MYO3B: variants seen among roughly 807,000 people sequenced by gnomAD.
MYO3B encodes myosin-IIIb.
Under a neutral mutation model 174.6 loss-of-function variants are expected in MYO3B, and 156 were observed. The ratio of observed to expected loss-of-function variants is 0.89; its 90% CI spans 0.78 to 1.02. MYO3B has a LOEUF of 1.02. MYO3B is among the 50% of genes least tolerant of loss of function. MYO3B has a pLI of 0.00. For missense variants in MYO3B, 1,632 were observed against 1,639.4 expected (o/e 1.00, Z 0.08); for synonymous variants, 563 against 569.1 (o/e 0.99, Z 0.15).
At chr2:170,221,903 T>C (rs2092905217) in intron 6 of MYO3B, among the ~76,000 whole-genome samples, 1 of 152,150 alleles carries the variant, frequency 6.6e-6, no homozygotes, top group South Asian at 2.1e-4. Flanking sequence ...CTAAACACAC[T>C]GTATGTGAGT....
At chr2:170,511,946 A>G (rs1276435538) in intron 28 of MYO3B, among the ~76,000 whole-genome samples, 1 of 152,188 alleles carries the variant, frequency 6.6e-6, no homozygotes, top group Non-Finnish European at 1.5e-5. Flanking sequence ...TAATGGATTG[A>G]CGGTCCCTAG....
At chr2:170,420,553 C>G (rs2094608088) in intron 22 of MYO3B, among the ~76,000 whole-genome samples, 1 of 152,124 alleles carries the variant, frequency 6.6e-6, no homozygotes. Flanking sequence ...ATTCTTGTCT[C>G]AGGGAAAGGG....
At chr2:170,230,497 A>G (rs1327801593) in intron 6 of MYO3B, among the ~76,000 whole-genome samples, 1 of 151,700 alleles carries the variant, frequency 6.6e-6, no homozygotes, top group Non-Finnish European at 1.5e-5. Context: ...CTAGTTATAT[A>G]ATCAAGATAC....
At chr2:170,299,320 G>A (rs1456236198) in intron 7 of MYO3B, among the ~76,000 whole-genome samples, 1 of 152,170 alleles carries the variant, frequency 6.6e-6, no homozygotes, top group Admixed American at 6.5e-5. Context: ...AATTCAGTGA[G>A]GCAGACTTAC....
chr2:170,210,035 A>G (rs2092754725), intron 3 of MYO3B, among the ~76,000 whole-genome samples: 1 of 152,208 alleles, frequency 6.6e-6, no homozygotes, highest in Non-Finnish European at 1.5e-5. Flanking sequence ...TAGTGGTTTA[A>G]AACACTGAAA....
In MYO3B at chr2:170,369,316, C is replaced by CA; in HGVS notation, c.915dup (p.Gln306ThrfsTer17). The CA allele has an allele frequency of 6.2e-7, 1 of 1,613,666 alleles. No homozygotes were observed. The highest frequency in any genetic ancestry group is 2.2e-5 in the East Asian group (1 of 44,864). Reference sequence around the variant, plus strand: ...AGTACATGGAAAAGTTCTGTTTCTGCAAAAACAGCTGGCCAAGGTTCTCCA... The same window carrying CA: ...AGTACATGGAAAAGTTCTGTTTCTGCAAAAAACAGCTGGCCAAGGTTCTCCA... On this transcript the variant is annotated frameshift_variant, in exon 9 of 35. Transcript: ENST00000408978. LOFTEE classifies it high-confidence loss of function.
chr2:170,548,961 T>C (rs1014082658), intron 32 of MYO3B, among the ~76,000 whole-genome samples: 4 of 152,222 alleles, frequency 2.6e-5, no homozygotes, highest in African/African-American at 9.6e-5. Flanking sequence ...TCTTCCTTTT[T>C]CATCTTTGCT....
intron 32 of MYO3B, among the ~76,000 whole-genome samples, chr2:170,551,499 C>T (rs940619141): frequency 3.0e-4 from 34 of 112,226 alleles, no homozygotes; most frequent in Non-Finnish European, 4.6e-4. Flanking sequence ...ATTTCTAATA[C>T]ATATGTCATT....
chr2:170,303,136 T>G (rs1230332277), intron 7 of MYO3B, among the ~76,000 whole-genome samples: 1 of 152,194 alleles, frequency 6.6e-6, no homozygotes, highest in Non-Finnish European at 1.5e-5. Flanking sequence ...TTACTACTGT[T>G]GTAAATGTTC....
At chr2:170,495,379 C>T (rs1455322299) in intron 25 of MYO3B, among the ~76,000 whole-genome samples, 1 of 152,142 alleles carries the variant, frequency 6.6e-6, no homozygotes, top group Non-Finnish European at 1.5e-5. Context: ...ATAGATATGT[C>T]ACTTACATGT....
At chr2:170,636,867 AAT>A (rs36191489) in intron 32 of MYO3B, among the ~76,000 whole-genome samples, 19,258 of 151,970 alleles carry the variant, frequency 0.13, 1,382 homozygotes, top group East Asian at 0.3. Context: ...AGCCTCCTGG[AAT>A]ATGTTCATTT....
Position 170,464,678 on chromosome 2 carries a change from T to C in MYO3B, c.2808+1233T>C, listed in dbSNP as rs1017706007. Among the ~76,000 whole-genome samples, 5 of 152,288 alleles carry C rather than the reference T, an allele frequency of 3.3e-5. No homozygotes were observed. In the Middle Eastern group the frequency reaches 0.01, roughly 311 times the overall value. The stretch of plus-strand genomic sequence containing the variant: ...TCGAATCCAGTATTCCATCCATGCA[T>C]TGAGTCGTGCTATAGCATCTGTGGA... On this transcript the variant is annotated intron_variant, in intron 24 of 34. Coordinates refer to ENST00000408978, the MANE Select transcript of MYO3B (RefSeq NM_138995.5).
intron 32 of MYO3B, among the ~76,000 whole-genome samples, chr2:170,626,988 C>G (rs1012980847): frequency 6.6e-6 from 1 of 151,952 alleles, no homozygotes; most frequent in African/African-American, 2.4e-5. Flanking sequence ...ACATTTTTTC[C>G]TTCATTTCAA....
rs1203801784 is a variant in MYO3B at position 170,633,386 on chromosome 2, C to A, written c.3734-18242C>A. Among the ~76,000 whole-genome samples, 6 of 152,132 alleles carry A rather than the reference C, an allele frequency of 3.9e-5. No individual in the cohort carries two copies. The East Asian group carries it at 1.2e-3, about 29-fold the overall frequency. The stretch of plus-strand genomic sequence containing the variant: ...GAAGAAAACCACATGATTATCTCAA[C>A]AGATGCAGAAAAGGCCTTGGATATA... On this transcript the variant is annotated intron_variant, in intron 32 of 34. Transcript: ENST00000408978.
Position 170,203,556 on chromosome 2 carries a change from G to A in MYO3B, c.321+3272G>A, listed in dbSNP as rs765918710. Among the ~76,000 whole-genome samples, 17 of 151,812 alleles carry A rather than the reference G, an allele frequency of 1.1e-4. 1 individual carries two copies. Among genetic ancestry groups the A allele is most frequent in the South Asian group, 4.2e-4 (2 of 4,810 alleles). ...CAGCAGACAGAGAGACCGACAGACC[G>A]ATGGACCTTTGTCCAGATTTTGCTT... On this transcript the variant is annotated intron_variant, in intron 3 of 34. Coordinates refer to ENST00000408978, the MANE Select transcript of MYO3B (RefSeq NM_138995.5).
intron 7 of MYO3B, among the ~76,000 whole-genome samples, chr2:170,271,845 T>C (rs1440815404): frequency 6.6e-6 from 1 of 152,166 alleles, no homozygotes; most frequent in Admixed American, 6.6e-5. Context: ...GTTCCCAAAA[T>C]GACTTTTGTT....
intron 31 of MYO3B, among the ~76,000 whole-genome samples, chr2:170,543,331 G>T (rs919469176): frequency 4.6e-5 from 7 of 152,178 alleles, no homozygotes; most frequent in Non-Finnish European, 7.3e-5. Context: ...AATTCAATAT[G>T]TGAAATGGAG....
chr2:170,623,783 T>C (rs182899770), intron 32 of MYO3B, among the ~76,000 whole-genome samples: 47 of 152,364 alleles, frequency 3.1e-4, no homozygotes, highest in Non-Finnish European at 5.6e-4. Context: ...GTTTCATCTT[T>C]CTACATATGG....
chr2:170,615,852 G>A (rs1575253788), intron 32 of MYO3B, among the ~76,000 whole-genome samples: 1 of 152,222 alleles, frequency 6.6e-6, no homozygotes, highest in East Asian at 1.9e-4. Context: ...TTTAGTGAGG[G>A]TGGGGGTAGG....
Sources: gnomAD v4.1 joint callset for allele counts (sites outside exome capture counted in the v4.1 genomes callset) on GRCh38, gnomAD v4.1.1 for gene constraint, MANE v1.5 for transcripts, NCBI Gene and HGNC (gene_info 2026-07-23, HGNC 2026-07-21) for gene names.